Variants in HSPG2 observed in about 807,000 individuals in gnomAD.
The protein encoded by HSPG2 is basement membrane-specific heparan sulfate proteoglycan core protein.
Under a neutral mutation model 526.6 loss-of-function variants are expected in HSPG2, and 278 were observed. The ratio of observed to expected loss-of-function variants is 0.53; its 90% CI spans 0.48 to 0.58. The LOEUF (loss-of-function observed/expected upper bound fraction) is 0.58. Ranked by LOEUF, HSPG2 falls within the 20% of genes least tolerant of loss-of-function variation. The probability of loss-of-function intolerance (pLI) is 0.00; values close to 1 mark genes in which losing one functional copy is unlikely to be tolerated. For missense variants in HSPG2, 5,354 were observed against 6,099.5 expected (o/e 0.88, Z 4.07); for synonymous variants, 2,465 against 2,555.4 (o/e 0.96, Z 1.07).
In HSPG2 at chr1:21,848,800, A is replaced by AG. The variant is rs1244798249; in HGVS notation, c.7586-7dup. 6.2e-7 allele frequency: 1 copy of AG among 1,613,236 alleles called. No individual in the cohort carries two copies. Reference sequence around the variant, plus strand: ...GGGGTACGCCACACCCTGGGCTGGGAGGGTGAGATGTAAGGCAGGGTGTGG... The same window carrying AG: ...GGGGTACGCCACACCCTGGGCTGGGAGGGGTGAGATGTAAGGCAGGGTGTGG... On this transcript the variant is annotated splice_region_variant and splice_polypyrimidine_tract_variant and intron_variant, in intron 58 of 96. Transcript: ENST00000374695. The surrounding 1 kb of genome is among the most constrained non-coding windows in gnomAD (Gnocchi z 4.9).
At chr1:21,929,797 C>T (rs1024943838) in intron 1 of HSPG2, among the ~76,000 whole-genome samples, 1 of 152,104 alleles carries the variant, frequency 6.6e-6, no homozygotes, top group Non-Finnish European at 1.5e-5. Flanking sequence ...TGTCCCGCCC[C>T]ACATCCAACC....
chr1:21,900,167 G>A (rs971808578), intron 1 of HSPG2, among the ~76,000 whole-genome samples: 1 of 152,234 alleles, frequency 6.6e-6, no homozygotes, highest in Non-Finnish European at 1.5e-5. Context: ...GGCAGCTGGA[G>A]AGGAGGGGTC....
At position 21,846,426 on chromosome 1, in the gene HSPG2, C is replaced by T. The variant is rs183421428; in HGVS notation, c.8316+22G>A. The T allele has an allele frequency of 5.1e-5, 82 of 1,613,068 alleles. 1 individual carries two copies. In the African/African-American group the frequency reaches 8.1e-4, roughly 16 times the overall value. Reference sequence around the variant, plus strand: ...GCCCCCACATCCAGCGGCTCTCCCACCATTTCCTGCCAGCTGCATACCTGA... The same window carrying T: ...GCCCCCACATCCAGCGGCTCTCCCATCATTTCCTGCCAGCTGCATACCTGA... On this transcript the variant is annotated intron_variant, in intron 63 of 96. Coordinates refer to ENST00000374695, the MANE Select transcript of HSPG2 (RefSeq NM_005529.7).
chr1:21,862,627 C>T (rs1037933149), intron 37 of HSPG2, among the ~76,000 whole-genome samples: 3 of 149,726 alleles, frequency 2.0e-5, no homozygotes, highest in Non-Finnish European at 4.4e-5. Flanking sequence ...AGAAACAAAC[C>T]TAAACATCCA....
Position 21,898,754 on chromosome 1 carries a change from A to C in HSPG2, c.64-2444T>G, listed in dbSNP as rs1483280748. 6.6e-6 allele frequency among the ~76,000 whole-genome samples: 1 copy of C among 152,120 alleles called. No homozygotes were observed. Among genetic ancestry groups the C allele is most frequent in the Non-Finnish European group, 1.5e-5 (1 of 68,004 alleles). On this transcript the variant is annotated intron_variant, in intron 1 of 96. Coordinates refer to ENST00000374695, the MANE Select transcript of HSPG2 (RefSeq NM_005529.7). This position sits in a 1 kb window ranked among gnomAD's most constrained non-coding sequence, Gnocchi z 4.0. ...AGAGGAGATTTGAGGGGTCCCCTCA[A>C]CCTGGTGGGGGGCTCTGTCAATGCC...
chr1:21,915,661 G>A (rs952046848), intron 1 of HSPG2, among the ~76,000 whole-genome samples: 4 of 152,152 alleles, frequency 2.6e-5, no homozygotes, highest in Admixed American at 1.3e-4. Flanking sequence ...CAGCGCTTCC[G>A]ACAGAACTTT....
chr1:21,854,427 ACT>A, intron 49 of HSPG2, 84 bp from the exon 50 acceptor site: 1 of 1,513,578 alleles, frequency 6.6e-7, no homozygotes, highest in Non-Finnish European at 8.9e-7. Flanking sequence ...ATTCATTCAA[ACT>A]CTCACTGGCT....
At position 21,824,786 on chromosome 1, in the gene HSPG2, G is replaced by A; in HGVS notation, c.12590-7C>T. 6.2e-7 allele frequency: 1 copy of A among 1,610,110 alleles called. No homozygotes were observed. The highest frequency in any genetic ancestry group is 1.3e-5 in the African/African-American group (1 of 74,960). On this transcript the variant is annotated splice_region_variant and splice_polypyrimidine_tract_variant and intron_variant, in intron 91 of 96. Coordinates refer to ENST00000374695, the MANE Select transcript of HSPG2 (RefSeq NM_005529.7). The surrounding 1 kb of genome is among the most constrained non-coding windows in gnomAD (Gnocchi z 5.9). The stretch of plus-strand genomic sequence containing the variant: ...CCGTACTGCCCAGGGGCATCTGTGG[G>A]AGAGAGGAGGGTGGTGCCATACCTG...
intron 91 of HSPG2, among the ~76,000 whole-genome samples, chr1:21,825,770 A>G (rs1482806811): frequency 6.6e-6 from 1 of 151,996 alleles, no homozygotes; most frequent in Non-Finnish European, 1.5e-5. Flanking sequence ...TGAATATTAT[A>G]TATAGATAAT....
chr1:21,833,933 G>T lies in HSPG2; in HGVS notation c.10721-8C>A, dbSNP rs371225050. ...TTGAGATCTGGGGCAAGGCTGAGAG[G>T]CATGGAAGAGACATAGGCCATCAAC... On this transcript the variant is annotated splice_polypyrimidine_tract_variant and splice_region_variant and intron_variant, in intron 77 of 96. Transcript: ENST00000374695. The T allele has an allele frequency of 9.0e-6, 14 of 1,558,220 alleles. No homozygotes were observed. In the Admixed American group the frequency reaches 2.6e-4, roughly 29 times the overall value.
Position 21,854,859 on chromosome 1 carries a change from A to G in HSPG2, c.6122T>C (p.Val2041Ala). Residue 2041 changes from valine (V) to alanine (A), a missense_variant, in exon 48 of 97, where the codon GTT becomes GCT. Physicochemically the swap from Val to Ala is moderately conservative, Grantham distance 64. Transcript: ENST00000374695. ...AGTAQARIQV[V>A]VLSASDASPP... ...CAGAGAGTCCGTACCTGAAAGGACA[A>G]CCACTTGGATCCGGGCCTGGGCAGT... is the stretch of plus-strand genomic sequence containing the variant. The G allele has an allele frequency of 1.2e-6, 2 of 1,614,050 alleles. No homozygotes were observed. The highest frequency in any genetic ancestry group is 1.3e-5 in the African/African-American group (1 of 75,058).
chr1:21,832,498 A>G lies in HSPG2; in HGVS notation c.11204T>C (p.Phe3735Ser), dbSNP rs1342194826. ...SFGLVGGRPE[F>S]RFDAGSGMAT... ...GTGGGGAGGCTGGGGGTCTCACCGG[A>G]ACTCGGGCCTTCCCCCCACGAGGCC... Residue 3735 changes from phenylalanine (F) to serine (S), a missense_variant, in exon 81 of 97, where the codon TTC (phenylalanine) becomes TCC (serine). Phe to Ser is a radical substitution (Grantham distance 155). Coordinates refer to ENST00000374695, the MANE Select transcript of HSPG2 (RefSeq NM_005529.7). 4 of 1,613,866 alleles carry G rather than the reference A, an allele frequency of 2.5e-6. No homozygotes were observed. Among genetic ancestry groups the G allele is most frequent in the Non-Finnish European group, 3.4e-6 (4 of 1,179,738 alleles).
chr1:21,832,751 T>G, intron 80 of HSPG2, 145 bp from the exon 81 acceptor site: 1 of 650,470 alleles, frequency 1.5e-6, no homozygotes, highest in Non-Finnish European at 2.8e-6. Flanking sequence ...GCCAGGGCCT[T>G]CTCACTATCT....
At position 21,850,183 on chromosome 1, in the gene HSPG2, A is replaced by C; in HGVS notation, c.7304T>G (p.Val2435Gly). The C allele has an allele frequency of 6.2e-7, 1 of 1,613,286 alleles. No individual in the cohort carries two copies. The highest frequency in any genetic ancestry group is 8.5e-7 in the Non-Finnish European group (1 of 1,180,018). ...TGACTCGATCCGGACCGTGGGGGTG[A>C]CCCCAAGTGCTGGGGACAGAGGGCA... is the stretch of plus-strand genomic sequence containing the variant. ...EPAGSVPALGVTPTVRIESSS... is the reference protein window; with the variant it reads ...EPAGSVPALGGTPTVRIESSS... Residue 2435 changes from valine to glycine, a missense_variant, in exon 57 of 97, where the codon GTC becomes GGC. Transcript: ENST00000374695.
At chr1:21,906,253 G>A (rs957103912) in intron 1 of HSPG2, among the ~76,000 whole-genome samples, 2 of 152,228 alleles carry the variant, frequency 1.3e-5, no homozygotes, top group South Asian at 2.1e-4. Flanking sequence ...AGAGCATCCC[G>A]GAGGGGTGGG....
In HSPG2 at chr1:21,829,437, C is replaced by G. The variant is rs147860819; in HGVS notation, c.11938G>C (p.Val3980Leu). The G allele has an allele frequency of 2.5e-6, 4 of 1,613,306 alleles. No homozygotes were observed. Among genetic ancestry groups the G allele is most frequent in the South Asian group, 1.1e-5 (1 of 91,086 alleles). Residue 3980 changes from valine to leucine, a missense_variant, in exon 87 of 97, where the codon GTG becomes CTG. Transcript: ENST00000374695. The part of the protein sequence containing the change: ...GGKSGPVEDF[V>L]SLAMVGGHLE... ...TGGCCGCCCACCATCGCCAGGGACA[C>G]GAAGTCCTCCACAGGCCCGCTCTTC...
chr1:21,832,946 G>C, intron 80 of HSPG2: 2 of 556,272 alleles, frequency 3.6e-6, no homozygotes, highest in Non-Finnish European at 6.5e-6. Context: ...GAGGAGGAAA[G>C]GGTGAGATGG....
chr1:21,839,940 C>A lies in HSPG2; in HGVS notation c.9591G>T (p.Gln3197His). Residue 3197 changes from glutamine (Q) to histidine (H), a missense_variant, in exon 72 of 97, where the codon CAG (glutamine) becomes CAT (histidine). By Grantham distance (24) the Gln-to-His change is conservative (BLOSUM62 0). Transcript: ENST00000374695. This position sits in a 1 kb window ranked among gnomAD's most constrained non-coding sequence, Gnocchi z 4.5. ...AQNALGTAQK[Q>H]VEVIVDTGAM... ...CGCCCGTGTCCACGATCACCTCCAC[C>A]TGCTTCTGTGCTGTGCCTAGTGCAT... The A allele has an allele frequency of 6.2e-7, 1 of 1,614,214 alleles. No individual in the cohort carries two copies. Among genetic ancestry groups the A allele is most frequent in the Non-Finnish European group, 8.5e-7 (1 of 1,180,038 alleles).
chr1:21,837,047 G>T, intron 74 of HSPG2, 41 bp from the exon 75 acceptor site: 5 of 1,519,750 alleles, frequency 3.3e-6, no homozygotes, highest in Non-Finnish European at 4.4e-6. Flanking sequence ...ATATGTGTGT[G>T]TGATGTCCCT....
Sources: gnomAD v4.1 joint callset for allele counts (sites outside exome capture counted in the v4.1 genomes callset) on GRCh38, gnomAD v4.1.1 for gene constraint, Gnocchi (gnomAD v3.1) non-coding constraint, MANE v1.5 for transcripts, NCBI Gene and HGNC (gene_info 2026-07-23, HGNC 2026-07-21) for gene names.